Variants in XPO6 observed in about 807,000 individuals in gnomAD.
The protein encoded by XPO6 is exportin 6, also known as exportin-6.
In XPO6, 3 loss-of-function variants were observed where a neutral mutation model predicts 130.0. The observed-to-expected ratio is 0.02, with a 90% CI of 0.01 to 0.06. The LOEUF (loss-of-function observed/expected upper bound fraction) is 0.06. XPO6 is among the 10% of genes least tolerant of loss of function. XPO6 has a pLI of 1.00. For missense variants in XPO6, 970 were observed against 1,393.0 expected (o/e 0.70, Z 4.83); for synonymous variants, 524 against 548.9 (o/e 0.95, Z 0.63).
rs1217549078 is a variant in XPO6, at chr16:28,203,275, C to CA, written c.3+8090dup. Among the ~76,000 whole-genome samples the CA allele has an allele frequency of 6.3e-3, 480 of 76,150 alleles. 1 individual carries two copies. Among genetic ancestry groups the CA allele is most frequent in the Admixed American group, 6.5e-3 (45 of 6,878 alleles). 50.0% of individuals were successfully genotyped at this position (76,150 alleles called of 152,430 possible). A position where few individuals can be genotyped will look rare whatever the true frequency, so the allele number is the denominator to read the frequency against. The stretch of plus-strand genomic sequence containing the variant: ...TGGGCGACGGAGTAAGACCCCATCT[C>CA]AAAAAAAAAAAAAAAAAGTCAGTCA... On this transcript the variant is annotated intron_variant, in intron 1 of 23. Coordinates refer to ENST00000304658, the MANE Select transcript of XPO6 (RefSeq NM_015171.4).
intron 1 of XPO6, among the ~76,000 whole-genome samples, chr16:28,190,220 T>C (rs1384687068): frequency 6.7e-6 from 1 of 150,072 alleles, no homozygotes; most frequent in Non-Finnish European, 1.5e-5. Context: ...AGTTTCTTTC[T>C]TTATTTTTTT....
At chr16:28,102,713 G>A (rs544304818) in intron 21 of XPO6, among the ~76,000 whole-genome samples, 1 of 152,298 alleles carries the variant, frequency 6.6e-6, no homozygotes, top group African/African-American at 2.4e-5. Flanking sequence ...CTGCACTCCA[G>A]CCTAGGCAAC....
At chr16:28,199,926 G>T (rs1469603030) in intron 1 of XPO6, among the ~76,000 whole-genome samples, 1 of 152,110 alleles carries the variant, frequency 6.6e-6, no homozygotes, top group East Asian at 2.0e-4. Flanking sequence ...GGAGGCCAAG[G>T]CGGTGGATTA....
At chr16:28,144,940 G>A (rs998313190) in intron 9 of XPO6, among the ~76,000 whole-genome samples, 4 of 152,034 alleles carry the variant, frequency 2.6e-5, no homozygotes, top group Non-Finnish European at 4.4e-5. Flanking sequence ...GCTTCCACTC[G>A]ACAGAACCCC....
chr16:28,120,200 T>A (rs1246226365), intron 14 of XPO6, among the ~76,000 whole-genome samples: 1 of 152,132 alleles, frequency 6.6e-6, no homozygotes, highest in East Asian at 1.9e-4. Context: ...ATCATCATCA[T>A]CATCATGTAT....
rs139030851 is a variant in XPO6 at position 28,133,154 on chromosome 16, G to A, written c.1536+687C>T. Among the ~76,000 whole-genome samples the A allele has an allele frequency of 1.1e-3, 166 of 152,286 alleles. 4 individuals carry two copies. The East Asian group carries it at 0.028, about 26-fold the overall frequency. On this transcript the variant is annotated intron_variant, in intron 11 of 23. Transcript: ENST00000304658. The stretch of plus-strand genomic sequence containing the variant: ...AGATCGAGACCATCCTGGCTAACAC[G>A]GTGAAACCCCGTCTCCACTAAAAAT...
intron 4 of XPO6, among the ~76,000 whole-genome samples, chr16:28,172,735 A>G (rs1466079939): frequency 6.6e-6 from 1 of 152,112 alleles, no homozygotes; most frequent in Non-Finnish European, 1.5e-5. Context: ...AAACTGTCAC[A>G]GCGTTTAAAA....
At chr16:28,120,356 C>T (rs923048753) in intron 14 of XPO6, among the ~76,000 whole-genome samples, 4 of 152,132 alleles carry the variant, frequency 2.6e-5, no homozygotes, top group Non-Finnish European at 4.4e-5. Context: ...AGAAAATGTG[C>T]TAGTACTTTA....
chr16:28,154,387 AC>A (rs1423621642), intron 7 of XPO6: 2 of 732,702 alleles, frequency 2.7e-6, no homozygotes, highest in Non-Finnish European at 3.3e-6. Flanking sequence ...ATTTTATTTC[AC>A]CTCATTTTCT....
At chr16:28,179,503 C>A (rs536895225) in intron 2 of XPO6, among the ~76,000 whole-genome samples, 1 of 152,344 alleles carries the variant, frequency 6.6e-6, no homozygotes, top group East Asian at 1.9e-4. Context: ...GAACTCTGGG[C>A]TCTGTTCTAG....
intron 6 of XPO6, among the ~76,000 whole-genome samples, chr16:28,166,172 C>T (rs2043352870): frequency 6.6e-6 from 1 of 152,138 alleles, no homozygotes; most frequent in Non-Finnish European, 1.5e-5. Flanking sequence ...TATGTCCTCT[C>T]CTGCAGGCTG....
chr16:28,194,329 T>A (rs2043827079), intron 1 of XPO6, among the ~76,000 whole-genome samples: 1 of 152,210 alleles, frequency 6.6e-6, no homozygotes, highest in Non-Finnish European at 1.5e-5. Flanking sequence ...CATTTTTATA[T>A]ACAAATCACC....
In XPO6 at chr16:28,158,496, G is replaced by A. The variant is rs139857987; in HGVS notation, c.644-1969C>T. 2.6e-4 allele frequency among the ~76,000 whole-genome samples: 39 copies of A among 152,256 alleles called. 1 individual carries two copies. Among genetic ancestry groups the A allele is most frequent in the Middle Eastern group, 6.8e-3 (2 of 294 alleles). ...AAAAATATAGTTATTTTTTATTAAAGCATATTATCTGTTAATATGTAATGG... is the reference window on the plus strand; with the variant it reads ...AAAAATATAGTTATTTTTTATTAAAACATATTATCTGTTAATATGTAATGG... On this transcript the variant is annotated intron_variant, in intron 6 of 23. Transcript: ENST00000304658.
intron 1 of XPO6, among the ~76,000 whole-genome samples, chr16:28,203,910 C>T (rs1444970898): frequency 1.3e-5 from 2 of 152,198 alleles, no homozygotes; most frequent in African/African-American, 4.8e-5. Flanking sequence ...GAAAAACCAT[C>T]CAACAAGAGA....
At chr16:28,162,258 A>G (rs1013314051) in intron 6 of XPO6, among the ~76,000 whole-genome samples, 3 of 152,252 alleles carry the variant, frequency 2.0e-5, no homozygotes, top group African/African-American at 7.2e-5. Flanking sequence ...ATTTCTCCAT[A>G]AAAACGATTT....
chr16:28,199,885 G>A (rs547756304), intron 1 of XPO6, among the ~76,000 whole-genome samples: 2 of 151,282 alleles, frequency 1.3e-5, no homozygotes, highest in South Asian at 2.1e-4. Context: ...GGCCGGGCAC[G>A]GTGGCTCACT....
At chr16:28,102,010 G>A (rs762012487) in intron 21 of XPO6, 65 bp from the exon 22 acceptor site, 32 of 1,408,502 alleles carry the variant, frequency 2.3e-5, no homozygotes, top group Non-Finnish European at 3.0e-5. Flanking sequence ...TCTACCCCAT[G>A]TCAGAAGAAC....
chr16:28,112,083 GCACC>G, intron 16 of XPO6, 77 bp from the exon 17 acceptor site: 1 of 1,475,890 alleles, frequency 6.8e-7, no homozygotes, highest in Non-Finnish European at 9.1e-7. Flanking sequence ...ACAGCCTTCA[GCACC>G]CGCTGGCTGC....
At chr16:28,128,177 A>T (rs1395976713) in intron 12 of XPO6, among the ~76,000 whole-genome samples, 2 of 152,190 alleles carry the variant, frequency 1.3e-5, no homozygotes, top group Non-Finnish European at 2.9e-5. Flanking sequence ...TTTCAAGGTT[A>T]TATCTATGCA....
Sources: gnomAD v4.1 joint callset for allele counts (sites outside exome capture counted in the v4.1 genomes callset) on GRCh38, gnomAD v4.1.1 for gene constraint, MANE v1.5 for transcripts, NCBI Gene and HGNC (gene_info 2026-07-23, HGNC 2026-07-21) for gene names.